The following CSMD1 variants were observed in gnomAD, a reference collection of about 807,000 sequenced individuals.
CSMD1 encodes CUB and Sushi multiple domains 1.
CSMD1 carries 213 observed loss-of-function variants against 417.5 expected under a neutral mutation model. That is an observed-to-expected ratio of 0.51 (90% CI 0.46 to 0.57). The LOEUF (loss-of-function observed/expected upper bound fraction) is 0.57. Among genes scored for constraint, CSMD1 ranks in the 20% least tolerant of loss-of-function variants. The probability of loss-of-function intolerance (pLI) is 0.00; values close to 1 mark genes in which losing one functional copy is unlikely to be tolerated. For synonymous variants in CSMD1, 2,862 were observed against 1,736.8 expected (o/e 1.65, Z -16.11); for missense variants, 6,923 against 4,529.7 (o/e 1.53, Z -15.17).
intron 37 of CSMD1, among the ~76,000 whole-genome samples, chr8:3,178,913 G>C (rs1821109879): frequency 6.6e-6 from 1 of 151,244 alleles, no homozygotes. Context: ...TTGTAGTAAG[G>C]TTAATTCTAC....
chr8:3,109,735 ACCACAC>A (rs1816378234), intron 43 of CSMD1, among the ~76,000 whole-genome samples: 1 of 151,862 alleles, frequency 6.6e-6, no homozygotes, highest in Admixed American at 6.6e-5. Flanking sequence ...GTGCAGCCAC[ACCACAC>A]ACAACACGCA....
intron 2 of CSMD1, among the ~76,000 whole-genome samples, chr8:4,612,871 T>C (rs530063527): frequency 7.2e-5 from 11 of 152,298 alleles, no homozygotes; most frequent in African/African-American, 1.9e-4. Context: ...AATCAGAGCA[T>C]ACTAGAATAC....
chr8:3,909,937 G>C (rs886536135), intron 5 of CSMD1, among the ~76,000 whole-genome samples: 1 of 152,020 alleles, frequency 6.6e-6, no homozygotes, highest in East Asian at 1.9e-4. Context: ...AGACAAGGAA[G>C]AAAAAATGGC....
intron 22 of CSMD1, among the ~76,000 whole-genome samples, chr8:3,346,450 G>C (rs1018285642): frequency 6.6e-6 from 1 of 152,130 alleles, no homozygotes; most frequent in African/African-American, 2.4e-5. Flanking sequence ...TTTTAGATTA[G>C]TAAGAATGTG....
chr8:4,090,171 G>C (rs1013176514), intron 3 of CSMD1, among the ~76,000 whole-genome samples: 2 of 152,128 alleles, frequency 1.3e-5, no homozygotes, highest in Non-Finnish European at 2.9e-5. Flanking sequence ...ACTGTTTTGA[G>C]TGTAACCTCC....
At chr8:4,196,354 C>A (rs1358215953) in intron 3 of CSMD1, among the ~76,000 whole-genome samples, 1 of 152,216 alleles carries the variant, frequency 6.6e-6, no homozygotes, top group Non-Finnish European at 1.5e-5. Flanking sequence ...AGAATACAGT[C>A]TTACTTTTAG....
intron 5 of CSMD1, among the ~76,000 whole-genome samples, chr8:3,996,451 T>A (rs1563298602): frequency 6.6e-6 from 1 of 151,894 alleles, no homozygotes. Flanking sequence ...AAGATTTTTT[T>A]TTTAGCACAG....
At chr8:3,852,822 G>A (rs1355483912) in intron 5 of CSMD1, among the ~76,000 whole-genome samples, 2 of 152,066 alleles carry the variant, frequency 1.3e-5, no homozygotes, top group African/African-American at 2.4e-5. Context: ...ACAATTCTCC[G>A]CTTTCTGTAA....
intron 25 of CSMD1, among the ~76,000 whole-genome samples, chr8:3,285,148 A>G (rs1315714693): frequency 6.6e-6 from 1 of 152,158 alleles, no homozygotes; most frequent in Admixed American, 6.6e-5. Context: ...TGCGTATTGC[A>G]CACCGATTAC....
chr8:3,802,914 AT>A (rs1368925772), intron 5 of CSMD1, among the ~76,000 whole-genome samples: 1 of 152,198 alleles, frequency 6.6e-6, no homozygotes, highest in Non-Finnish European at 1.5e-5. Context: ...GAAAACAGGA[AT>A]TTTGAAAGAA....
intron 1 of CSMD1, among the ~76,000 whole-genome samples, chr8:4,796,592 C>A (rs2117260644): frequency 6.6e-6 from 1 of 151,936 alleles, no homozygotes; most frequent in African/African-American, 2.4e-5. Flanking sequence ...GGCTGCAGAC[C>A]TCGGCTCCAA....
intron 3 of CSMD1, among the ~76,000 whole-genome samples, chr8:4,359,045 C>G (rs543770210): frequency 1.3e-5 from 2 of 152,030 alleles, no homozygotes; most frequent in East Asian, 3.9e-4. Context: ...GTGGCAAAAT[C>G]AATATACATG....
intron 2 of CSMD1, among the ~76,000 whole-genome samples, chr8:4,420,912 C>A (rs146981853): frequency 0.016 from 2,460 of 152,294 alleles, 31 homozygotes; most frequent in Non-Finnish European, 0.026. Context: ...AGCCCTCCTC[C>A]CTCCCTGTCT....
intron 11 of CSMD1, among the ~76,000 whole-genome samples, chr8:3,477,215 G>T (rs1385484046): frequency 6.6e-6 from 1 of 152,178 alleles, no homozygotes; most frequent in Non-Finnish European, 1.5e-5. Flanking sequence ...AATATGAGAT[G>T]CCTGGATTTT....
chr8:4,425,976 G>C (rs935792728), intron 2 of CSMD1, among the ~76,000 whole-genome samples: 1 of 151,726 alleles, frequency 6.6e-6, no homozygotes, highest in Non-Finnish European at 1.5e-5. Flanking sequence ...GGTAGACATA[G>C]CCCAAAATTA....
intron 10 of CSMD1, among the ~76,000 whole-genome samples, chr8:3,562,287 G>A (rs1368673019): frequency 6.8e-6 from 1 of 146,442 alleles, no homozygotes; most frequent in Non-Finnish European, 1.5e-5. Flanking sequence ...ACTGATGAGA[G>A]AGTTTTAGAA....
At chr8:2,954,126 G>T in intron 65 of CSMD1, 98 bp downstream of exon 65, 1 of 592,934 alleles carries the variant, frequency 1.7e-6, no homozygotes, top group Non-Finnish European at 2.8e-6. Context: ...TGGACTAACG[G>T]ATTCAGAAAT....
At chr8:3,152,483 A>G (rs1819258529) in intron 39 of CSMD1, among the ~76,000 whole-genome samples, 1 of 152,200 alleles carries the variant, frequency 6.6e-6, no homozygotes, top group Admixed American at 6.5e-5. Context: ...CCTCTTTTAG[A>G]GGCCCCCTAG....
intron 10 of CSMD1, among the ~76,000 whole-genome samples, chr8:3,532,594 C>T (rs570860242): frequency 1.3e-5 from 2 of 152,108 alleles, no homozygotes; most frequent in Non-Finnish European, 1.5e-5. Flanking sequence ...TGCATTCATG[C>T]CGTTTGGTGT....
Sources: allele counts gnomAD v4.1 joint callset (sites outside exome capture counted in the v4.1 genomes callset), GRCh38; gene constraint gnomAD v4.1.1; transcripts MANE v1.5; gene names NCBI Gene and HGNC (gene_info 2026-07-23, HGNC 2026-07-21).